Variants in MPP7 observed in about 807,000 individuals in gnomAD.
MPP7 encodes MAGUK p55 subfamily member 7.
MPP7 carries 60 observed loss-of-function variants against 76.5 expected under a neutral mutation model. That is an observed-to-expected ratio of 0.78 (90% CI 0.64 to 0.97). The LOEUF (loss-of-function observed/expected upper bound fraction) is 0.97. Ranked by LOEUF, MPP7 falls within the 50% of genes least tolerant of loss-of-function variation. The pLI, the probability that MPP7 is intolerant of heterozygous loss-of-function variation, is 0.00. For missense variants in MPP7, 641 were observed against 694.0 expected (o/e 0.92, Z 0.86); for synonymous variants, 237 against 244.5 (o/e 0.97, Z 0.29).
intron 14 of MPP7, 120 bp downstream of exon 14, chr10:28,059,530 C>A: frequency 1.6e-6 from 1 of 613,192 alleles, no homozygotes; most frequent in Admixed American, 3.3e-5. Context: ...TCATCTGTTT[C>A]AAATATTATT....
At chr10:28,233,998 A>T (rs1225672740) in intron 2 of MPP7, among the ~76,000 whole-genome samples, 2 of 152,136 alleles carry the variant, frequency 1.3e-5, no homozygotes, top group Non-Finnish European at 2.9e-5. Context: ...AAACGAAATG[A>T]AACAAAACAA....
intron 2 of MPP7, among the ~76,000 whole-genome samples, chr10:28,208,149 C>T (rs74496642): frequency 4.3e-4 from 65 of 152,222 alleles, no homozygotes; most frequent in Non-Finnish European, 7.2e-4. Context: ...AGACTCAGAG[C>T]TCACAGGAGA....
chr10:28,156,134 G>A (rs1178597880), intron 3 of MPP7, among the ~76,000 whole-genome samples: 1 of 152,196 alleles, frequency 6.6e-6, no homozygotes, highest in Non-Finnish European at 1.5e-5. Context: ...AAATACATGA[G>A]TTTAAATCCC....
intron 2 of MPP7, among the ~76,000 whole-genome samples, chr10:28,208,540 C>T (rs1354249411): frequency 1.3e-5 from 2 of 152,140 alleles, no homozygotes; most frequent in East Asian, 3.9e-4. Flanking sequence ...GGATAACTAC[C>T]ACTGGATACT....
At chr10:28,069,272 T>C (rs1852113906) in intron 13 of MPP7, among the ~76,000 whole-genome samples, 1 of 152,182 alleles carries the variant, frequency 6.6e-6, no homozygotes, top group Non-Finnish European at 1.5e-5. Flanking sequence ...GGATACCACA[T>C]TCTCCATGAT....
At chr10:28,173,265 G>C (rs1187915090) in intron 3 of MPP7, among the ~76,000 whole-genome samples, 1 of 150,228 alleles carries the variant, frequency 6.7e-6, no homozygotes, top group African/African-American at 2.4e-5. Context: ...TGAAGGAAAA[G>C]AGACAAGCAG....
intron 2 of MPP7, among the ~76,000 whole-genome samples, chr10:28,204,906 TAC>T (rs1837901362): frequency 6.6e-6 from 1 of 152,240 alleles, no homozygotes; most frequent in South Asian, 2.1e-4. Context: ...GCTAGTCTTT[TAC>T]ATATGGAAAG....
At chr10:28,301,859 G>C (rs1409951461) in intron 1 of MPP7, among the ~76,000 whole-genome samples, 1 of 152,174 alleles carries the variant, frequency 6.6e-6, no homozygotes, top group Non-Finnish European at 1.5e-5. Flanking sequence ...AAAACTCAGT[G>C]ACCTTCATCA....
chr10:28,295,814 C>T (rs188032650), intron 1 of MPP7, among the ~76,000 whole-genome samples: 193 of 152,346 alleles, frequency 1.3e-3, no homozygotes, highest in Non-Finnish European at 2.3e-3. Context: ...AGACTTTTCT[C>T]CCCAACTCAA....
Position 28,069,779 on chromosome 10 carries a change from T to G in MPP7, c.1197A>C (p.Thr399=), listed in dbSNP as rs765722852. The G allele has an allele frequency of 2.2e-5, 35 of 1,613,718 alleles. No individual in the cohort carries two copies. The Middle Eastern group carries it at 4.9e-4, about 23-fold the overall frequency. Residue 399 remains threonine, a synonymous_variant, in exon 13 of 17, where the codon ACA becomes ACC. Transcript: ENST00000683449. Reference sequence around the variant, plus strand: ...GAGTAGCGCAGAACTCACGGGGCACTGTCACGCCATAGTGCTGGGTGTCAC... The same window carrying G: ...GAGTAGCGCAGAACTCACGGGGCACGGTCACGCCATAGTGCTGGGTGTCAC... The part of the protein sequence containing the change: ...LISDTQHYGV[T]VPHTTRARRS...
intron 1 of MPP7, among the ~76,000 whole-genome samples, chr10:28,330,964 T>A (rs533747827): frequency 2.1e-4 from 32 of 152,290 alleles, no homozygotes; most frequent in African/African-American, 7.0e-4. Context: ...CCTGTCCTGA[T>A]CCATCTTGTT....
chr10:28,263,050 C>T (rs947919032), intron 1 of MPP7, among the ~76,000 whole-genome samples: 3 of 151,412 alleles, frequency 2.0e-5, no homozygotes, highest in African/African-American at 4.9e-5. Context: ...AGCGAGACTC[C>T]GTTTCAAAAA....
chr10:28,249,995 T>C (rs1030821387), intron 1 of MPP7, among the ~76,000 whole-genome samples: 5 of 138,484 alleles, frequency 3.6e-5, no homozygotes, highest in Non-Finnish European at 7.8e-5. Flanking sequence ...TTACTATATA[T>C]CCATCTCTTG....
intron 14 of MPP7, among the ~76,000 whole-genome samples, chr10:28,059,312 T>C (rs1265000825): frequency 6.6e-6 from 1 of 152,152 alleles, no homozygotes; most frequent in Non-Finnish European, 1.5e-5. Context: ...ATATACTACA[T>C]AGTTGTTGGT....
At position 28,143,750 on chromosome 10, in the gene MPP7, AT is replaced by A. The variant is rs1402270988; in HGVS notation, c.315+3732del. 1.1e-3 allele frequency among the ~76,000 whole-genome samples: 162 copies of A among 142,362 alleles called. 2 individuals are homozygous for A. Among genetic ancestry groups the A allele is most frequent in the African/African-American group, 3.7e-3 (148 of 40,434 alleles). 93.4% of individuals were successfully genotyped at this position (142,362 alleles called of 152,430 possible). A position where few individuals can be genotyped will look rare whatever the true frequency, so the allele number is the denominator to read the frequency against. ...GACTTTTCTCATTTTTTCCCAAACT[AT>A]TTGTTATTCCAAGACCACGTATTAC... On this transcript the variant is annotated intron_variant, in intron 5 of 16. Coordinates refer to ENST00000683449, the MANE Select transcript of MPP7 (RefSeq NM_001318170.2).
At chr10:28,209,112 G>C (rs774141184) in intron 2 of MPP7, among the ~76,000 whole-genome samples, 5 of 152,028 alleles carry the variant, frequency 3.3e-5, no homozygotes, top group Non-Finnish European at 7.4e-5. Flanking sequence ...GCAGATGCCA[G>C]CTCCATGCTC....
At chr10:28,080,962 G>A (rs1852732605) in intron 12 of MPP7, among the ~76,000 whole-genome samples, 1 of 152,138 alleles carries the variant, frequency 6.6e-6, no homozygotes, top group Admixed American at 6.5e-5. Flanking sequence ...TTTGCACTCT[G>A]CTTTATGTGG....
At chr10:28,098,520 T>C (rs964693829) in intron 11 of MPP7, among the ~76,000 whole-genome samples, 5 of 151,338 alleles carry the variant, frequency 3.3e-5, no homozygotes, top group African/African-American at 1.2e-4. Flanking sequence ...TCAAAATTAC[T>C]AGATTATATA....
chr10:28,155,243 C>T (rs1836013222), intron 3 of MPP7, among the ~76,000 whole-genome samples: 1 of 152,034 alleles, frequency 6.6e-6, no homozygotes, highest in African/African-American at 2.4e-5. Flanking sequence ...TACCCAAATA[C>T]AGATGGGTGA....
Sources: allele counts gnomAD v4.1 joint callset (sites outside exome capture counted in the v4.1 genomes callset), GRCh38; gene constraint gnomAD v4.1.1; transcripts MANE v1.5; gene names NCBI Gene and HGNC (gene_info 2026-07-23, HGNC 2026-07-21).